RWDD4: variants seen among roughly 807,000 people sequenced by gnomAD.
The protein encoded by RWDD4 is RWD domain containing 4.
RWDD4 carries 16 observed loss-of-function variants against 30.0 expected under a neutral mutation model. That is an observed-to-expected ratio of 0.53 (90% confidence interval 0.36 to 0.81). The LOEUF (loss-of-function observed/expected upper bound fraction) is 0.81, where lower values mean the gene tolerates loss of function less well. RWDD4 is among the 30% of genes least tolerant of loss of function. RWDD4 has a pLI of 0.00. For synonymous variants in RWDD4, 45 were observed against 72.1 expected (o/e 0.62, Z 1.90); for missense variants, 170 against 223.9 (o/e 0.76, Z 1.54).
At chr4:183,655,995 G>T in intron 1 of RWDD4, 34 bp from the exon 2 acceptor site, 1 of 1,399,836 alleles carries the variant, frequency 7.1e-7, no homozygotes, top group Non-Finnish European at 1.0e-6. Context: ...TTTGTTTAGT[G>T]GTATAAATGA....
chr4:183,651,138 T>C lies in RWDD4; in HGVS notation c.216-7A>G, dbSNP rs1255729213. The C allele has an allele frequency of 3.1e-6, 5 of 1,613,922 alleles. No individual in the cohort carries two copies. Among genetic ancestry groups the C allele is most frequent in the East Asian group, 2.2e-5 (1 of 44,864 alleles). ...CTGCTTTACAGCTGATGATCTACAA[T>C]GCACAACAAAAATACCTTGCTGAGA... On this transcript the variant is annotated splice_region_variant and splice_polypyrimidine_tract_variant and intron_variant, in intron 3 of 7. Transcript: ENST00000326397.
intron 2 of RWDD4, among the ~76,000 whole-genome samples, chr4:183,654,496 A>T (rs770833364): frequency 6.6e-6 from 1 of 152,158 alleles, no homozygotes. Context: ...ACTGTCTCCT[A>T]ATCTCATGTA....
Position 183,651,105 on chromosome 4 carries a change from A to G in RWDD4, c.242T>C (p.Leu81Ser), listed in dbSNP as rs1734065528. Residue 81 changes from leucine to serine, a missense_variant, in exon 4 of 8, where the codon TTA (leucine) becomes TCA (serine). Coordinates refer to ENST00000326397, the MANE Select transcript of RWDD4 (RefSeq NM_152682.4). ...TISSAVKQSI[L>S]AKLQEAVEAN... ...TTCTACTGCTTCCTGTAGCTTGGCTAATATACTCTGCTTTACAGCTGATGA... is the reference window on the plus strand; with the variant it reads ...TTCTACTGCTTCCTGTAGCTTGGCTGATATACTCTGCTTTACAGCTGATGA... 2.5e-6 allele frequency: 4 copies of G among 1,614,006 alleles called. No homozygotes were observed. In the Admixed American group the frequency reaches 6.7e-5, roughly 27 times the overall value.
At chr4:183,651,945 C>G (rs1351732408) in intron 2 of RWDD4, among the ~76,000 whole-genome samples, 1 of 152,204 alleles carries the variant, frequency 6.6e-6, no homozygotes, top group Non-Finnish European at 1.5e-5. Context: ...AATGAACACT[C>G]TGACATTCAT....
intron 1 of RWDD4, among the ~76,000 whole-genome samples, chr4:183,658,010 T>G (rs1194047597): frequency 6.6e-6 from 1 of 152,222 alleles, no homozygotes; most frequent in African/African-American, 2.4e-5. Context: ...TTCTTTGCTT[T>G]GCAGGGAGAA....
chr4:183,651,582 A>G (rs1734077561), intron 2 of RWDD4, among the ~76,000 whole-genome samples: 1 of 152,198 alleles, frequency 6.6e-6, no homozygotes, highest in Non-Finnish European at 1.5e-5. Flanking sequence ...CCAGCCTACC[A>G]GCTTTTCTAG....
At position 183,645,485 on chromosome 4, in the gene RWDD4, C is replaced by T. The variant is rs908712249; in HGVS notation, c.534+866G>A. On this transcript the variant is annotated intron_variant, in intron 7 of 7. Coordinates refer to ENST00000326397, the MANE Select transcript of RWDD4 (RefSeq NM_152682.4). Reference sequence around the variant, plus strand: ...TGTCCTTAAAAAAACCCACAAAAGCCAAGGCCAGGTGTGGTGGCTGCCGCC... The same window carrying T: ...TGTCCTTAAAAAAACCCACAAAAGCTAAGGCCAGGTGTGGTGGCTGCCGCC... 5.3e-5 allele frequency among the ~76,000 whole-genome samples: 8 copies of T among 151,868 alleles called. No individual in the cohort carries two copies. In the East Asian group the frequency reaches 1.4e-3, roughly 26 times the overall value.
At chr4:183,643,918 C>G (rs1425893757) in intron 7 of RWDD4, among the ~76,000 whole-genome samples, 1 of 152,120 alleles carries the variant, frequency 6.6e-6, no homozygotes, top group African/African-American at 2.4e-5. Flanking sequence ...AACTCCGTCT[C>G]AAAAACAAAC....
In RWDD4 at chr4:183,649,436, G is replaced by A. The variant is rs1734031333; in HGVS notation, c.481+15C>T. On this transcript the variant is annotated intron_variant, in intron 5 of 7. Coordinates refer to ENST00000326397, the MANE Select transcript of RWDD4 (RefSeq NM_152682.4). ...TCAAAAAAAAGAAAAGAAAAGAAAA[G>A]AAACACACACAAACCTGTTTTGTCT... The A allele has an allele frequency of 1.3e-6, 2 of 1,502,666 alleles. No homozygotes were observed. Among genetic ancestry groups the A allele is most frequent in the African/African-American group, 2.8e-5 (2 of 71,556 alleles). 93.1% of individuals were successfully genotyped at this position (1,502,666 alleles called of 1,614,324 possible). A position where few individuals can be genotyped will look rare whatever the true frequency, so the allele number is the denominator to read the frequency against.
intron 2 of RWDD4, among the ~76,000 whole-genome samples, chr4:183,653,009 T>C (rs576052081): frequency 6.6e-6 from 1 of 152,250 alleles, no homozygotes; most frequent in African/African-American, 2.4e-5. Context: ...TAGATAGGCA[T>C]GAGCCACTGT....
chr4:183,654,762 A>G (rs1284649939), intron 2 of RWDD4, among the ~76,000 whole-genome samples: 1 of 152,156 alleles, frequency 6.6e-6, no homozygotes, highest in East Asian at 1.9e-4. Context: ...ATACTTGGAG[A>G]TGGTGTAAGG....
intron 7 of RWDD4, among the ~76,000 whole-genome samples, chr4:183,645,421 G>C (rs1309557496): frequency 6.6e-6 from 1 of 152,026 alleles, no homozygotes; most frequent in Admixed American, 6.6e-5. Flanking sequence ...CAGAAACAGA[G>C]CATTGTTCTT....
At chr4:183,648,824 T>C (rs1361782606) in intron 5 of RWDD4, among the ~76,000 whole-genome samples, 1 of 152,126 alleles carries the variant, frequency 6.6e-6, no homozygotes, top group Non-Finnish European at 1.5e-5. Context: ...CCTCTTGTGA[T>C]GAAGTAGTAG....
rs1734310387 is a variant in RWDD4 at position 183,659,109 on chromosome 4, A to C, written c.-157T>G. ...GCAGACGCCAACTGCGCGCGCCCCG[A>C]GCCTCGGCAGCGCCCAGCCGCCGGC... On this transcript the variant is annotated 5_prime_UTR_variant, in exon 1 of 8. Coordinates refer to ENST00000326397, the MANE Select transcript of RWDD4 (RefSeq NM_152682.4). 1 of 509,394 alleles carries C rather than the reference A, an allele frequency of 2.0e-6. No individual in the cohort carries two copies. Among genetic ancestry groups the C allele is most frequent in the African/African-American group, 2.0e-5 (1 of 50,346 alleles). The allele number at this position is 509,394 out of a possible 1,614,324, so 31.6% of individuals were successfully genotyped here.
chr4:183,646,163 A>G (rs1489475648), intron 7 of RWDD4, among the ~76,000 whole-genome samples, 188 bp downstream of exon 7: 1 of 152,058 alleles, frequency 6.6e-6, no homozygotes, highest in Non-Finnish European at 1.5e-5. Context: ...CTTGACCTCC[A>G]AAAGTGCTGG....
chr4:183,652,824 G>A (rs6840395), intron 2 of RWDD4, among the ~76,000 whole-genome samples: 12,166 of 147,146 alleles, frequency 0.083, 1,823 homozygotes, highest in African/African-American at 0.3. Flanking sequence ...AAAAAAAAAA[G>A]AAAGAAATCC....
chr4:183,656,944 T>A (rs931947659), intron 1 of RWDD4, among the ~76,000 whole-genome samples: 1 of 152,228 alleles, frequency 6.6e-6, no homozygotes, highest in African/African-American at 2.4e-5. Context: ...GAGAATCGCT[T>A]GAACCCAGGA....
At chr4:183,653,197 G>A (rs1053472527) in intron 2 of RWDD4, among the ~76,000 whole-genome samples, 2 of 152,096 alleles carry the variant, frequency 1.3e-5, no homozygotes, top group African/African-American at 4.8e-5. Flanking sequence ...AATCATCACT[G>A]GTGACACTAA....
intron 2 of RWDD4, chr4:183,653,826 T>C (rs1469812264): frequency 2.0e-5 from 3 of 152,238 alleles, no homozygotes; most frequent in Non-Finnish European, 2.9e-5. Context: ...CACACTGTGC[T>C]GGGTACCGAA....
Sources: allele counts gnomAD v4.1 joint callset (sites outside exome capture counted in the v4.1 genomes callset), GRCh38; gene constraint gnomAD v4.1.1; transcripts MANE v1.5; gene names NCBI Gene and HGNC (gene_info 2026-07-23, HGNC 2026-07-21).